Variants in TASP1 observed in about 807,000 individuals in gnomAD.
TASP1 encodes the protein threonine aspartase 1.
Under a neutral mutation model 56.6 loss-of-function variants are expected in TASP1, and 16 were observed. That is an observed-to-expected ratio of 0.28 (90% CI 0.19 to 0.43). The LOEUF is 0.43. TASP1 is among the 20% of genes least tolerant of loss of function. The probability of loss-of-function intolerance (pLI) is 1.00; values close to 1 mark genes in which losing one functional copy is unlikely to be tolerated. For missense variants in TASP1, 393 were observed against 511.6 expected (o/e 0.77, Z 2.24); for synonymous variants, 179 against 184.2 (o/e 0.97, Z 0.23).
At chr20:13,362,299 C>A in the TASP1 span, among the ~76,000 whole-genome samples, 1 of 152,018 alleles carries the variant, frequency 6.6e-6, no homozygotes, top group Admixed American at 6.6e-5. Context: ...CGTATATGCC[C>A]AGATGGCCTG....
intron 11 of TASP1, among the ~76,000 whole-genome samples, chr20:13,443,060 G>C (rs1319770640): frequency 1.3e-5 from 2 of 152,194 alleles, no homozygotes; most frequent in African/African-American, 4.8e-5. Context: ...CTTCTAAGAT[G>C]CTATTTAAAC....
At chr20:13,154,628 C>A in the TASP1 span, among the ~76,000 whole-genome samples, 17 of 152,150 alleles carry the variant, frequency 1.1e-4, no homozygotes, top group African/African-American at 3.6e-4. Flanking sequence ...CAAAGTCACA[C>A]AAGTCAAACA....
At chr20:13,275,852 A>G in the TASP1 span, among the ~76,000 whole-genome samples, 1 of 152,166 alleles carries the variant, frequency 6.6e-6, no homozygotes, top group Non-Finnish European at 1.5e-5. Flanking sequence ...CCAACACTAC[A>G]TCTTCCTTGC....
chr20:13,288,632 T>G, the TASP1 span: 1 of 1,613,890 alleles, frequency 6.2e-7, no homozygotes, highest in Non-Finnish European at 8.5e-7. Context: ...GTCTTGTGGC[T>G]ACGCGTGCAC....
chr20:13,554,238 A>C (rs921906506), intron 8 of TASP1, among the ~76,000 whole-genome samples: 1 of 152,164 alleles, frequency 6.6e-6, no homozygotes, highest in African/African-American at 2.4e-5. Flanking sequence ...AACCACCTCC[A>C]AACTTATTAC....
At chr20:13,538,628 AAC>A (rs2045503795) in intron 8 of TASP1, among the ~76,000 whole-genome samples, 1 of 152,176 alleles carries the variant, frequency 6.6e-6, no homozygotes, top group South Asian at 2.1e-4. Context: ...GAGTATCCTA[AAC>A]ACAGAGAGAT....
At chr20:13,278,774 A>G in the TASP1 span, among the ~76,000 whole-genome samples, 1 of 152,204 alleles carries the variant, frequency 6.6e-6, no homozygotes, top group Non-Finnish European at 1.5e-5. Flanking sequence ...GATGTTGGCT[A>G]GAGTGACCCA....
chr20:13,291,986 T>A, the TASP1 span, among the ~76,000 whole-genome samples: 427 of 152,284 alleles, frequency 2.8e-3, 1 homozygote, highest in Non-Finnish European at 5.2e-3. Context: ...TGGCTAGTAA[T>A]GATTTCAACG....
the TASP1 span, chr20:13,110,341 C>A: frequency 1.3e-6 from 1 of 762,684 alleles, no homozygotes; most frequent in Non-Finnish European, 2.1e-6. Flanking sequence ...GACACAGGGA[C>A]CTGAGACAGA....
intron 10 of TASP1, among the ~76,000 whole-genome samples, chr20:13,496,087 T>A (rs1029512402): frequency 1.3e-5 from 2 of 152,138 alleles, no homozygotes; most frequent in Admixed American, 1.3e-4. Flanking sequence ...AGAGTCTTGC[T>A]CTGTCACCCA....
At position 13,393,120 on chromosome 20, in the gene TASP1, G is replaced by A. The variant is rs1211041125; in HGVS notation, c.1171-2668C>T. ...CAACAGTCTCAAGATCGTCAGCAAT[G>A]CCTCCTGTACCACCAACTGCTTAGC... On this transcript the variant is annotated intron_variant, in intron 13 of 13. Coordinates refer to ENST00000337743, the MANE Select transcript of TASP1 (RefSeq NM_017714.3). 6 of 641,224 alleles carry A rather than the reference G, an allele frequency of 9.4e-6. No individual in the cohort carries two copies. The East Asian group carries it at 2.0e-4, about 22-fold the overall frequency. 39.7% of individuals were successfully genotyped at this position (641,224 alleles called of 1,614,324 possible).
the TASP1 span, among the ~76,000 whole-genome samples, chr20:13,335,357 CACACAA>C: frequency 1.5e-5 from 2 of 135,516 alleles, no homozygotes; most frequent in South Asian, 2.4e-4. Context: ...CACACACACA[CACACAA>C]ACACACACCC....
At chr20:13,568,606 A>C (rs940747474) in intron 7 of TASP1, among the ~76,000 whole-genome samples, 1 of 152,140 alleles carries the variant, frequency 6.6e-6, no homozygotes, top group African/African-American at 2.4e-5. Flanking sequence ...TCATTATAAG[A>C]ATATATGATC....
chr20:13,121,746 A>AT, the TASP1 span, among the ~76,000 whole-genome samples: 3 of 152,140 alleles, frequency 2.0e-5, no homozygotes, highest in Non-Finnish European at 4.4e-5. Flanking sequence ...AAAGAGCTCC[A>AT]TTTTTTGAAA....
At chr20:13,225,217 A>G in the TASP1 span, among the ~76,000 whole-genome samples, 1 of 152,080 alleles carries the variant, frequency 6.6e-6, no homozygotes, top group Non-Finnish European at 1.5e-5. Flanking sequence ...TCCCTGTTTC[A>G]AAAGGAGAAA....
chr20:13,568,963 G>C (rs6079113), intron 7 of TASP1, among the ~76,000 whole-genome samples: 1 of 151,854 alleles, frequency 6.6e-6, no homozygotes, highest in African/African-American at 2.4e-5. Context: ...TATCTACTTA[G>C]GACTTTTGAT....
chr20:13,336,334 C>T, the TASP1 span, among the ~76,000 whole-genome samples: 2 of 152,198 alleles, frequency 1.3e-5, no homozygotes, highest in Non-Finnish European at 2.9e-5. Context: ...CACAGTAGTG[C>T]ATGCCCTGAG....
chr20:13,337,194 G>A, the TASP1 span, among the ~76,000 whole-genome samples: 1 of 152,188 alleles, frequency 6.6e-6, no homozygotes, highest in South Asian at 2.1e-4. Flanking sequence ...GGAATTTTAA[G>A]AGGAATATTC....
chr20:13,139,787 A>G, the TASP1 span, among the ~76,000 whole-genome samples: 1 of 152,144 alleles, frequency 6.6e-6, no homozygotes, highest in Non-Finnish European at 1.5e-5. Context: ...TTCTTTCCAA[A>G]TGCTCTCCTA....
Sources: gnomAD v4.1 joint callset for allele counts (sites outside exome capture counted in the v4.1 genomes callset) on GRCh38, gnomAD v4.1.1 for gene constraint, MANE v1.5 for transcripts, NCBI Gene and HGNC (gene_info 2026-07-23, HGNC 2026-07-21) for gene names.